CDC5L: variants seen among roughly 807,000 people sequenced by gnomAD.
CDC5L encodes the protein cell division cycle 5-like protein.
A neutral mutation model predicts 104.1 loss-of-function variants in CDC5L; 18 were observed. That is an observed-to-expected ratio of 0.17 (90% confidence interval 0.12 to 0.26). CDC5L has a LOEUF of 0.26. Ranked by LOEUF, CDC5L falls within the 10% of genes least tolerant of loss-of-function variation. CDC5L has a pLI of 1.00. For synonymous variants in CDC5L, 331 were observed against 322.7 expected, an observed-to-expected ratio of 1.03 and a Z score of -0.28; for missense variants, 673 against 956.9, an observed-to-expected ratio of 0.70 and a Z score of 3.91.
intron 5 of CDC5L, among the ~76,000 whole-genome samples, chr6:44,397,488 A>G (rs1311632650): frequency 6.6e-6 from 1 of 152,194 alleles, no homozygotes; most frequent in Non-Finnish European, 1.5e-5. Context: ...CAGAATATTT[A>G]TAGAAAACCA....
chr6:44,409,915 A>G (rs1301226850), intron 8 of CDC5L, among the ~76,000 whole-genome samples: 2 of 151,996 alleles, frequency 1.3e-5, no homozygotes, highest in East Asian at 1.9e-4. Flanking sequence ...AAGGGTTCAT[A>G]GGAGGTAGAA....
intron 9 of CDC5L, among the ~76,000 whole-genome samples, chr6:44,421,943 T>A (rs1333492539): frequency 2.0e-5 from 3 of 152,180 alleles, no homozygotes; most frequent in Non-Finnish European, 4.4e-5. Flanking sequence ...CCATGTCTTA[T>A]GTGATAACAC....
At chr6:44,427,730 G>T (rs961202518) in intron 13 of CDC5L, among the ~76,000 whole-genome samples, 2 of 152,160 alleles carry the variant, frequency 1.3e-5, no homozygotes, top group Non-Finnish European at 2.9e-5. Context: ...TGCCTACTCT[G>T]TCGAGCACAT....
chr6:44,394,582 A>G (rs1790763256), intron 4 of CDC5L, among the ~76,000 whole-genome samples: 1 of 152,102 alleles, frequency 6.6e-6, no homozygotes, highest in Non-Finnish European at 1.5e-5. Flanking sequence ...TGGACTGGGC[A>G]TGGTGGCTCA....
At chr6:44,393,634 C>T in intron 4 of CDC5L, 61 bp downstream of exon 4, 1 of 1,497,706 alleles carries the variant, frequency 6.7e-7, no homozygotes, top group Non-Finnish European at 9.0e-7. Flanking sequence ...GGGCCTCACT[C>T]TTTTAGTTCC....
At chr6:44,420,359 CTTTT>C (rs771581700) in intron 9 of CDC5L, among the ~76,000 whole-genome samples, 6 of 140,330 alleles carry the variant, frequency 4.3e-5, no homozygotes, top group East Asian at 2.1e-4. Flanking sequence ...AAAATCCAAA[CTTTT>C]TTTTTTTTTT....
intron 2 of CDC5L, among the ~76,000 whole-genome samples, chr6:44,391,213 G>C (rs9462986): frequency 0.99 from 147,436 of 148,536 alleles, 73,181 homozygotes; most frequent in East Asian, 1. Flanking sequence ...TATATTAAAA[G>C]ATATAAGCCA....
At chr6:44,388,769 T>G (rs1044745942) in intron 1 of CDC5L, among the ~76,000 whole-genome samples, 2 of 151,864 alleles carry the variant, frequency 1.3e-5, no homozygotes, top group Non-Finnish European at 2.9e-5. Flanking sequence ...TCTTGGAATC[T>G]CTGTAAGAAT....
intron 8 of CDC5L, among the ~76,000 whole-genome samples, chr6:44,412,279 T>A (rs1199608589): frequency 9.3e-5 from 14 of 150,262 alleles, no homozygotes; most frequent in Non-Finnish European, 1.6e-4. Context: ...TCTCCACTTC[T>A]GTGACAGATA....
At chr6:44,387,987 C>A (rs1790410847) in intron 1 of CDC5L, 119 bp downstream of exon 1, 2 of 881,002 alleles carry the variant, frequency 2.3e-6, no homozygotes, top group African/African-American at 1.7e-5. Flanking sequence ...GAGGGCAGCC[C>A]GGGGGCTGAC....
At chr6:44,426,063 C>T (rs376106116) in intron 11 of CDC5L, 40 bp from the exon 12 acceptor site, 169 of 1,344,734 alleles carry the variant, frequency 1.3e-4, no homozygotes, top group Admixed American at 1.6e-4. Flanking sequence ...ATATCAAATA[C>T]GCTATAGCTG....
chr6:44,428,771 A>G (rs1257838589), intron 13 of CDC5L, among the ~76,000 whole-genome samples: 1 of 152,204 alleles, frequency 6.6e-6, no homozygotes, highest in Admixed American at 6.5e-5. Context: ...ATGATCTATC[A>G]TCTAATTCGT....
chr6:44,419,213 A>G (rs1485394038), intron 8 of CDC5L, among the ~76,000 whole-genome samples: 3 of 152,212 alleles, frequency 2.0e-5, no homozygotes, highest in Admixed American at 6.5e-5. Flanking sequence ...AGCTTTCTAC[A>G]TATGGCTAGC....
At chr6:44,414,696 T>C (rs139686434) in intron 8 of CDC5L, among the ~76,000 whole-genome samples, 188 of 152,260 alleles carry the variant, frequency 1.2e-3, no homozygotes, top group African/African-American at 4.5e-3. Flanking sequence ...TTATCTGATA[T>C]ATAACTTGCA....
rs114601978 is a variant in CDC5L, at chr6:44,433,488, G to A, written c.2091+3578G>A. On this transcript the variant is annotated intron_variant, in intron 14 of 15. Coordinates refer to ENST00000371477, the MANE Select transcript of CDC5L (RefSeq NM_001253.4). ...TGAGAAGTCTGAATTTAGGCATGCC[G>A]TTAAATTTAATAGTATTTGAAATAG... 6.5e-3 allele frequency among the ~76,000 whole-genome samples: 994 copies of A among 152,254 alleles called. 9 individuals are homozygous for A. Among genetic ancestry groups the A allele is most frequent in the African/African-American group, 0.022 (935 of 41,560 alleles).
At chr6:44,440,160 T>C (rs9381324) in intron 14 of CDC5L, among the ~76,000 whole-genome samples, 14,713 of 152,180 alleles carry the variant, frequency 0.097, 997 homozygotes, top group Admixed American at 0.2. Flanking sequence ...TTTAAATTAA[T>C]TTTAGATCCA....
At chr6:44,416,378 G>A (rs758858206) in intron 8 of CDC5L, among the ~76,000 whole-genome samples, 12 of 152,142 alleles carry the variant, frequency 7.9e-5, no homozygotes, top group Non-Finnish European at 1.3e-4. Flanking sequence ...TGAGTTTGAA[G>A]CAGAAGTCTG....
chr6:44,426,840 T>C, intron 13 of CDC5L, 116 bp downstream of exon 13: 3 of 978,404 alleles, frequency 3.1e-6, no homozygotes, highest in Non-Finnish European at 4.6e-6. Context: ...AACTGAAATG[T>C]ATGATTAGGA....
chr6:44,392,783 T>C lies in CDC5L; in HGVS notation c.266T>C (p.Ile89Thr), dbSNP rs1340754322. Residue 89 changes from isoleucine (I) to threonine (T), a missense_variant, in exon 3 of 16, where the codon ATT becomes ACT. Coordinates refer to ENST00000371477, the MANE Select transcript of CDC5L (RefSeq NM_001253.4). ...CAGTGGAGGACCATTGCTCCAATCATTGGAAGAACAGCGGCCCAGTGCTTA... is the reference window on the plus strand; with the variant it reads ...CAGTGGAGGACCATTGCTCCAATCACTGGAAGAACAGCGGCCCAGTGCTTA... The part of the protein sequence containing the change: ...PTQWRTIAPI[I>T]GRTAAQCLEH... The C allele has an allele frequency of 1.2e-6, 2 of 1,614,146 alleles. No individual in the cohort carries two copies. Among genetic ancestry groups the C allele is most frequent in the East Asian group, 2.2e-5 (1 of 44,872 alleles).
Sources: gnomAD v4.1 joint callset for allele counts (sites outside exome capture counted in the v4.1 genomes callset) on GRCh38, gnomAD v4.1.1 for gene constraint, MANE v1.5 for transcripts, NCBI Gene and HGNC (gene_info 2026-07-23, HGNC 2026-07-21) for gene names.